RASA3: variants seen among roughly 807,000 people sequenced by gnomAD.
The protein encoded by RASA3 is ras GTPase-activating protein 3.
In RASA3, 73 loss-of-function variants were observed where a neutral mutation model predicts 110.0. The observed-to-expected ratio is 0.66, with a 90% confidence interval of 0.55 to 0.81. The LOEUF (loss-of-function observed/expected upper bound fraction) is 0.81. Among genes scored for constraint, RASA3 ranks in the 30% least tolerant of loss-of-function variants. RASA3 has a pLI of 0.00. For missense variants in RASA3, 976 were observed against 1,113.2 expected (o/e 0.88, Z 1.75); for synonymous variants, 500 against 451.4 (o/e 1.11, Z -1.37).
intron 2 of RASA3, among the ~76,000 whole-genome samples, chr13:114,058,651 A>AC (rs1262661520): frequency 1.3e-5 from 2 of 152,180 alleles, no homozygotes; most frequent in Non-Finnish European, 1.5e-5. Context: ...CGCCTGCCCG[A>AC]CAATGCCCTT....
chr13:114,110,610 C>T (rs2080204231), intron 1 of RASA3, among the ~76,000 whole-genome samples: 1 of 152,210 alleles, frequency 6.6e-6, no homozygotes, highest in Non-Finnish European at 1.5e-5. Context: ...GCACTTCCCT[C>T]CCAGAGCCCC....
chr13:114,100,147 AG>A (rs2080036562), intron 1 of RASA3, among the ~76,000 whole-genome samples: 1 of 151,320 alleles, frequency 6.6e-6, no homozygotes, highest in Non-Finnish European at 1.5e-5. Flanking sequence ...TCTGCGCAAT[AG>A]GAAGACGCCG....
intron 21 of RASA3, among the ~76,000 whole-genome samples, 173 bp from the exon 22 acceptor site, chr13:113,992,761 G>A (rs1309359893): frequency 1.3e-5 from 2 of 152,246 alleles, no homozygotes; most frequent in Non-Finnish European, 1.5e-5. Flanking sequence ...TTGGCTTGCT[G>A]AGCAAGGCTG....
intron 9 of RASA3, among the ~76,000 whole-genome samples, chr13:114,019,441 T>C (rs565962614): frequency 3.0e-4 from 46 of 152,364 alleles, no homozygotes; most frequent in African/African-American, 1.1e-3. Flanking sequence ...AGCCCTCTTC[T>C]GCTCTCATTT....
At chr13:113,980,380 T>TGCCTCCTCCCACGTGTGCACC (rs2052900871) in intron 23 of RASA3, among the ~76,000 whole-genome samples, 1 of 131,454 alleles carries the variant, frequency 7.6e-6, no homozygotes, top group Non-Finnish European at 1.6e-5. Context: ...TCCGTGTGTG[T>TGCCTCCTCCCACGTGTGCACC]GCCTCCTCCC....
At chr13:114,125,968 C>T (rs2080443024) in intron 1 of RASA3, among the ~76,000 whole-genome samples, 1 of 46,438 alleles carries the variant, frequency 2.2e-5, no homozygotes, top group Non-Finnish European at 4.3e-5. Flanking sequence ...TCCAGAGGTA[C>T]CGGCACCTGC....
intron 2 of RASA3, among the ~76,000 whole-genome samples, chr13:114,066,135 G>GCACATGAGGCTCTTTCCTC (rs71105236): frequency 0.08 from 12,163 of 151,760 alleles, 1,044 homozygotes; most frequent in African/African-American, 0.2. Flanking sequence ...CGCCTCTCCT[G>GCACATGAGGCTCTTTCCTC]CACATGAGGC....
chr13:114,041,888 G>A (rs1226461174), intron 3 of RASA3, among the ~76,000 whole-genome samples: 1 of 151,646 alleles, frequency 6.6e-6, no homozygotes, highest in African/African-American at 2.4e-5. Flanking sequence ...TCCAGACGGA[G>A]GAGAACAGAG....
chr13:114,077,839 CTCTT>C (rs2079717826), intron 1 of RASA3: 10 of 984,508 alleles, frequency 1.0e-5, no homozygotes, highest in East Asian at 1.1e-4. Flanking sequence ...GGGGCTGAGA[CTCTT>C]TCTTTTTAAT....
Position 114,073,822 on chromosome 13 carries a change from AG to A in RASA3, c.70del (p.Leu24PhefsTer10). ...VKIKIGEAKN[L>X]PSYPGPSKMR... ...CTTGCTCGGCCCCGGGTAAGAGGGA[AG>A]GTTTTTGGCTTCACCTAAAAAGTAA... On this transcript the variant is annotated frameshift_variant, in exon 2 of 24. Transcript: ENST00000334062. LOFTEE classifies it high-confidence loss of function. The A allele has an allele frequency of 1.2e-6, 2 of 1,613,998 alleles. No individual in the cohort carries two copies. The highest frequency in any genetic ancestry group is 1.7e-6 in the Non-Finnish European group (2 of 1,179,894).
intron 8 of RASA3, 69 bp from the exon 9 acceptor site, chr13:114,021,577 A>C: frequency 7.8e-7 from 1 of 1,282,488 alleles, no homozygotes; most frequent in African/African-American, 1.5e-5. Context: ...ATGACAGGCC[A>C]CGCTTTGTTC....
At chr13:114,039,077 G>A (rs538674377) in intron 4 of RASA3, among the ~76,000 whole-genome samples, 6 of 152,344 alleles carry the variant, frequency 3.9e-5, no homozygotes, top group Admixed American at 3.3e-4. Context: ...GCCTGCAAAG[G>A]ACGTTGGCAA....
At chr13:114,095,614 A>T (rs2079931824) in intron 1 of RASA3, among the ~76,000 whole-genome samples, 1 of 152,066 alleles carries the variant, frequency 6.6e-6, no homozygotes, top group South Asian at 2.1e-4. Flanking sequence ...TGTCATGCAC[A>T]CACCTTCACA....
chr13:114,006,384 C>T (rs368644065), intron 18 of RASA3, among the ~76,000 whole-genome samples: 1 of 224 alleles, frequency 4.5e-3, no homozygotes. Flanking sequence ...CCTGCCCTGC[C>T]GGACGCCACC....
In RASA3 at chr13:114,018,809, TAGTC is replaced by T. The variant is rs746040003; in HGVS notation, c.892_895del (p.Asp298IlefsTer10). 2.0e-5 allele frequency: 33 copies of T among 1,613,738 alleles called. No homozygotes were observed. Among genetic ancestry groups the T allele is most frequent in the East Asian group, 2.2e-5 (1 of 44,876 alleles). On this transcript the variant is annotated frameshift_variant, in exon 10 of 24. Coordinates refer to ENST00000334062, the MANE Select transcript of RASA3 (RefSeq NM_007368.4). LOFTEE classifies it high-confidence loss of function. ...CAGCAGGTCCCGCAGAGGGCTGTAA[TAGTC>T]AGAAGAAAACACGTGGTCTTCCGTG...
chr13:114,032,921 C>T (rs189852174), intron 4 of RASA3, among the ~76,000 whole-genome samples: 2,381 of 104,526 alleles, frequency 0.023, 66 homozygotes, highest in East Asian at 0.1. Flanking sequence ...CCCCACAGCA[C>T]CCCCACACTT....
intron 23 of RASA3, among the ~76,000 whole-genome samples, chr13:113,980,189 G>A (rs575435655): frequency 2.0e-4 from 28 of 139,926 alleles, no homozygotes; most frequent in South Asian, 7.1e-4. Context: ...CTCCTCCCAC[G>A]TGTGTGCACC....
intron 1 of RASA3, among the ~76,000 whole-genome samples, chr13:114,098,242 G>GA (rs947966278): frequency 2.3e-4 from 35 of 152,004 alleles, no homozygotes; most frequent in African/African-American, 7.5e-4. Context: ...AAGACAGCAG[G>GA]AAAAAAAATC....
intron 22 of RASA3, among the ~76,000 whole-genome samples, chr13:113,991,819 C>T (rs997484718): frequency 1.3e-5 from 2 of 152,024 alleles, no homozygotes; most frequent in Admixed American, 6.5e-5. Flanking sequence ...GACATACATG[C>T]ATACTCACAC....
Sources: allele counts gnomAD v4.1 joint callset (sites outside exome capture counted in the v4.1 genomes callset), GRCh38; gene constraint gnomAD v4.1.1; transcripts MANE v1.5; gene names NCBI Gene and HGNC (gene_info 2026-07-23, HGNC 2026-07-21).